The following SPTLC2 variants were observed in gnomAD, a reference collection of about 807,000 sequenced individuals.
The protein encoded by SPTLC2 is serine palmitoyltransferase long chain base subunit 2, also known as serine palmitoyltransferase 2.
Under a neutral mutation model 62.0 loss-of-function variants are expected in SPTLC2, and 21 were observed. That is an observed-to-expected ratio of 0.34 (90% CI 0.24 to 0.49). The LOEUF is 0.49. SPTLC2 is among the 20% of genes least tolerant of loss of function. The pLI, the probability that SPTLC2 is intolerant of heterozygous loss-of-function variation, is 0.99. For synonymous variants in SPTLC2, 261 were observed against 261.8 expected, an observed-to-expected ratio of 1.00 and a Z score of 0.03; for missense variants, 511 against 713.0, an observed-to-expected ratio of 0.72 and a Z score of 3.23.
intron 7 of SPTLC2, among the ~76,000 whole-genome samples, chr14:77,556,597 T>C (rs1423436950): frequency 6.6e-6 from 1 of 152,200 alleles, no homozygotes; most frequent in Non-Finnish European, 1.5e-5. Context: ...CTCACTATGT[T>C]GCCCAAGCTG....
intron 5 of SPTLC2, among the ~76,000 whole-genome samples, chr14:77,566,669 C>T (rs531022171): frequency 6.6e-6 from 1 of 152,156 alleles, no homozygotes; most frequent in South Asian, 2.1e-4. Flanking sequence ...ACCGTGTTAG[C>T]CAGGATGGTC....
At chr14:77,570,287 C>T (rs982328018) in intron 5 of SPTLC2, 97 bp downstream of exon 5, 4 of 1,502,766 alleles carry the variant, frequency 2.7e-6, no homozygotes, top group Middle Eastern at 1.7e-4. Context: ...CTATGTTTAG[C>T]CTAAAGTTTA....
At chr14:77,605,471 T>C (rs935980802) in intron 1 of SPTLC2, among the ~76,000 whole-genome samples, 5 of 152,126 alleles carry the variant, frequency 3.3e-5, no homozygotes, top group South Asian at 2.1e-4. Context: ...GCTTTAAAGA[T>C]TGAAGAGCTG....
At chr14:77,580,533 A>C (rs1442784912) in intron 2 of SPTLC2, among the ~76,000 whole-genome samples, 1 of 132,172 alleles carries the variant, frequency 7.6e-6, no homozygotes, top group African/African-American at 2.8e-5. Context: ...TTTTCCCTTT[A>C]GAAAGGAATT....
intron 2 of SPTLC2, among the ~76,000 whole-genome samples, chr14:77,584,762 A>G (rs896429707): frequency 7.9e-5 from 12 of 152,272 alleles, no homozygotes; most frequent in African/African-American, 2.6e-4. Flanking sequence ...CATATGACCA[A>G]CACACACATA....
At chr14:77,538,300 C>T (rs1049219860) in intron 9 of SPTLC2, among the ~76,000 whole-genome samples, 6 of 152,246 alleles carry the variant, frequency 3.9e-5, no homozygotes, top group African/African-American at 1.2e-4. Context: ...AAGCAGACAC[C>T]GTCCTTTTCT....
At chr14:77,531,507 C>CTCTTCT (rs1397153203) in intron 9 of SPTLC2, among the ~76,000 whole-genome samples, 2,170 of 64,482 alleles carry the variant, frequency 0.034, 93 homozygotes, top group African/African-American at 0.051. Context: ...CCTCCTCCTC[C>CTCTTCT]TCTTCTTCTT....
intron 9 of SPTLC2, among the ~76,000 whole-genome samples, chr14:77,549,597 C>T (rs753120051): frequency 2.4e-4 from 37 of 152,166 alleles, no homozygotes; most frequent in Non-Finnish European, 4.6e-4. Flanking sequence ...CTTGAGTCTT[C>T]CAGGCCAGCC....
chr14:77,596,263 C>T (rs1325161553), intron 2 of SPTLC2, among the ~76,000 whole-genome samples: 1 of 151,534 alleles, frequency 6.6e-6, no homozygotes, highest in Non-Finnish European at 1.5e-5. Flanking sequence ...GGTGTGAACC[C>T]GGGAGGCGGA....
chr14:77,616,628 G>C lies in SPTLC2; in HGVS notation c.-49C>G. The C allele has an allele frequency of 6.6e-7, 1 of 1,510,964 alleles. No individual in the cohort carries two copies. The highest frequency in any genetic ancestry group is 8.9e-7 in the Non-Finnish European group (1 of 1,127,148). 93.6% of individuals were successfully genotyped at this position (1,510,964 alleles called of 1,614,324 possible). A position where few individuals can be genotyped will look rare whatever the true frequency, so the allele number is the denominator to read the frequency against. ...GGCAGGCTCTGTAGGCGGTGGCAGC[G>C]GCGGCGGCTGCTCCAAGTCCCGCTC... is the stretch of plus-strand genomic sequence containing the variant. On this transcript the variant is annotated 5_prime_UTR_variant, in exon 1 of 12. Coordinates refer to ENST00000216484, the MANE Select transcript of SPTLC2 (RefSeq NM_004863.4).
intron 4 of SPTLC2, among the ~76,000 whole-genome samples, chr14:77,573,335 TTGA>T (rs1370240506): frequency 6.6e-6 from 1 of 152,100 alleles, no homozygotes; most frequent in African/African-American, 2.4e-5. Flanking sequence ...ACGAGAGGAC[TTGA>T]TGATCCCAAC....
intron 4 of SPTLC2, among the ~76,000 whole-genome samples, chr14:77,575,268 T>C (rs1401014809): frequency 2.0e-5 from 3 of 152,208 alleles, no homozygotes; most frequent in Admixed American, 6.5e-5. Context: ...TCTAAATAAA[T>C]AGATATAAAA....
intron 2 of SPTLC2, among the ~76,000 whole-genome samples, chr14:77,586,580 AGTACT>A (rs2140047176): frequency 6.6e-6 from 1 of 152,326 alleles, no homozygotes; most frequent in African/African-American, 2.4e-5. Flanking sequence ...ATAGGAATGA[AGTACT>A]GTTACTTGCT....
intron 1 of SPTLC2, among the ~76,000 whole-genome samples, chr14:77,602,177 C>T (rs1218433389): frequency 6.6e-6 from 1 of 152,160 alleles, no homozygotes; most frequent in African/African-American, 2.4e-5. Context: ...ACCTCAGATG[C>T]TACAAGTAAG....
intron 9 of SPTLC2, among the ~76,000 whole-genome samples, chr14:77,521,904 T>G (rs1202697936): frequency 6.6e-6 from 1 of 152,198 alleles, no homozygotes; most frequent in African/African-American, 2.4e-5. Context: ...AGGATATTTA[T>G]GATTATCTTC....
rs1463585231 is a variant in SPTLC2 at position 77,577,026 on chromosome 14, A to T, written c.483-111T>A. 1.8e-5 allele frequency: 22 copies of T among 1,243,204 alleles called. No homozygotes were observed. The South Asian group carries it at 2.1e-4, about 12-fold the overall frequency. The allele number at this position is 1,243,204 out of a possible 1,614,324, so 77.0% of individuals were successfully genotyped here. A position where few individuals can be genotyped will look rare whatever the true frequency, so the allele number is the denominator to read the frequency against. ...AAGCAGAGAGAACAAAGTCTATATT[A>T]AAAAAATCTCAAACACACTACCAAT... On this transcript the variant is annotated intron_variant, in intron 3 of 11. Coordinates refer to ENST00000216484, the MANE Select transcript of SPTLC2 (RefSeq NM_004863.4).
rs563348381 is a variant in SPTLC2 at position 77,570,623 on chromosome 14, T to G, written c.632-115A>C. On this transcript the variant is annotated intron_variant, in intron 4 of 11. Transcript: ENST00000216484. ...GTTGTGTCCTTTTCAGACTAAGATC[T>G]ATGAAGGAGTCAATATTATGAAGAG... The G allele has an allele frequency of 9.0e-6, 11 of 1,223,078 alleles. No individual in the cohort carries two copies. The South Asian group carries it at 1.4e-4, about 15-fold the overall frequency. 75.8% of individuals were successfully genotyped at this position (1,223,078 alleles called of 1,614,324 possible).
At chr14:77,527,724 A>G (rs1156322595) in intron 9 of SPTLC2, among the ~76,000 whole-genome samples, 2 of 122,930 alleles carry the variant, frequency 1.6e-5, no homozygotes, top group African/African-American at 6.2e-5. Flanking sequence ...AATTTTCTGA[A>G]CGCTCAAGAC....
rs548613941 is a variant in SPTLC2, at chr14:77,508,862, T to C, written c.*3422A>G. 1 of 152,224 alleles carries C rather than the reference T, an allele frequency of 6.6e-6. No homozygotes were observed. The highest frequency in any genetic ancestry group is 2.4e-5 in the African/African-American group (1 of 41,458). 9.4% of individuals were successfully genotyped at this position (152,224 alleles called of 1,614,324 possible). A position where few individuals can be genotyped will look rare whatever the true frequency, so the allele number is the denominator to read the frequency against. Reference sequence around the variant, plus strand: ...CAGAACCAAGGCGTCTGATATGCTATCTTCAAAGCCCAGCACCACCATATA... The same window carrying C: ...CAGAACCAAGGCGTCTGATATGCTACCTTCAAAGCCCAGCACCACCATATA... On this transcript the variant is annotated 3_prime_UTR_variant, in exon 12 of 12. Coordinates refer to ENST00000216484, the MANE Select transcript of SPTLC2 (RefSeq NM_004863.4).
Sources: gnomAD v4.1 joint callset for allele counts (sites outside exome capture counted in the v4.1 genomes callset) on GRCh38, gnomAD v4.1.1 for gene constraint, MANE v1.5 for transcripts, NCBI Gene and HGNC (gene_info 2026-07-23, HGNC 2026-07-21) for gene names.